The following FOXP1 variants were observed in gnomAD, a reference collection of about 807,000 sequenced individuals.
FOXP1 encodes forkhead box P1, also known as forkhead box protein P1.
FOXP1 carries 15 observed loss-of-function variants against 98.2 expected under a neutral mutation model. The observed-to-expected ratio is 0.15, with a 90% CI of 0.10 to 0.24. The LOEUF (loss-of-function observed/expected upper bound fraction) is 0.24, where lower values mean the gene tolerates loss of function less well. Ranked by LOEUF, FOXP1 falls within the 10% of genes least tolerant of loss-of-function variation. FOXP1 has a pLI of 1.00. For synonymous variants in FOXP1, 371 were observed against 314.5 expected (o/e 1.18, Z -1.90); for missense variants, 633 against 848.5 (o/e 0.75, Z 3.15).
At chr3:71,010,610 A>G (rs1298470110) in intron 12 of FOXP1, among the ~76,000 whole-genome samples, 1 of 152,158 alleles carries the variant, frequency 6.6e-6, no homozygotes, top group African/African-American at 2.4e-5. Flanking sequence ...AAGCAATGTT[A>G]CCTTTATTAA....
chr3:71,578,600 T>G (rs956911545), intron 2 of FOXP1, among the ~76,000 whole-genome samples: 6 of 152,220 alleles, frequency 3.9e-5, no homozygotes, highest in Non-Finnish European at 7.3e-5. Flanking sequence ...TAAGATTGGC[T>G]GCAAAGAGGA....
At chr3:71,044,148 G>C (rs899109672) in intron 10 of FOXP1, among the ~76,000 whole-genome samples, 2 of 152,136 alleles carry the variant, frequency 1.3e-5, no homozygotes, top group African/African-American at 2.4e-5. Flanking sequence ...TGACAGCTAA[G>C]ATCTCATGTT....
chr3:71,037,232 T>C (rs1266838087), intron 11 of FOXP1, among the ~76,000 whole-genome samples: 1 of 152,176 alleles, frequency 6.6e-6, no homozygotes, highest in Admixed American at 6.5e-5. Context: ...TAGTGCACCA[T>C]AATGTAATGT....
chr3:71,228,189 G>A (rs1347669465), intron 5 of FOXP1, among the ~76,000 whole-genome samples: 1 of 152,182 alleles, frequency 6.6e-6, no homozygotes, highest in East Asian at 1.9e-4. Context: ...GATATTTAGG[G>A]AGTTCTAGGT....
Position 70,959,318 on chromosome 3 carries a change from CTGT to C in FOXP1, c.1960_1962del (p.Thr654del). ...TGGTCAAAATCTGGACTGTGGTTGG[CTGT>C]TGTCACTAAGGACAGGGGCCCTTCA... On this transcript the variant is annotated inframe_deletion, in exon 21 of 21. Transcript: ENST00000649528. 6.2e-7 allele frequency: 1 copy of C among 1,613,960 alleles called. No individual in the cohort carries two copies. Among genetic ancestry groups the C allele is most frequent in the Non-Finnish European group, 8.5e-7 (1 of 1,179,998 alleles).
chr3:71,000,101 A>G (rs1047142034), intron 13 of FOXP1, among the ~76,000 whole-genome samples: 5 of 152,034 alleles, frequency 3.3e-5, no homozygotes, highest in African/African-American at 4.8e-5. Context: ...TTTAGAAACT[A>G]ATTTTCTATT....
intron 2 of FOXP1, among the ~76,000 whole-genome samples, chr3:71,514,327 G>A (rs996742586): frequency 2.6e-5 from 4 of 152,106 alleles, no homozygotes; most frequent in Admixed American, 6.5e-5. Context: ...ACTACTTGGC[G>A]TCACAATCAA....
chr3:71,574,634 T>G (rs748355529), intron 2 of FOXP1, among the ~76,000 whole-genome samples: 1 of 152,122 alleles, frequency 6.6e-6, no homozygotes, highest in Non-Finnish European at 1.5e-5. Context: ...CCAGCAGGGT[T>G]AATCCAAAGA....
chr3:71,446,103 T>C (rs1006285818), intron 3 of FOXP1, among the ~76,000 whole-genome samples: 5 of 152,180 alleles, frequency 3.3e-5, no homozygotes, highest in Non-Finnish European at 7.3e-5. Context: ...AGGCATTCAA[T>C]GTGTCATCAC....
intron 14 of FOXP1, among the ~76,000 whole-genome samples, chr3:70,983,065 C>T (rs1035937274): frequency 5.3e-5 from 8 of 152,190 alleles, no homozygotes; most frequent in Admixed American, 3.3e-4. Flanking sequence ...AGTTCAGAGA[C>T]GGCCTTTCTG....
intron 7 of FOXP1, among the ~76,000 whole-genome samples, chr3:71,093,452 T>G (rs13077531): frequency 2.1e-5 from 3 of 142,628 alleles, no homozygotes; most frequent in Non-Finnish European, 4.7e-5. Context: ...TCCAACTCTT[T>G]GACTGTACTA....
At position 71,322,609 on chromosome 3, in the gene FOXP1, G is replaced by A. The variant is rs147813984; in HGVS notation, c.-72-22729C>T. 1.2e-4 allele frequency among the ~76,000 whole-genome samples: 18 copies of A among 152,290 alleles called. No individual in the cohort carries two copies. The East Asian group carries it at 3.5e-3, about 29-fold the overall frequency. On this transcript the variant is annotated intron_variant, in intron 4 of 20. Coordinates refer to ENST00000649528, the MANE Select transcript of FOXP1 (RefSeq NM_001349338.3). The stretch of plus-strand genomic sequence containing the variant: ...GGTGGAGCGAGGCACACATGCAAAG[G>A]TGCACTGTCATCAAGGGGCATTCGG...
intron 5 of FOXP1, among the ~76,000 whole-genome samples, chr3:71,255,451 G>A (rs537914845): frequency 1.3e-5 from 2 of 152,138 alleles, no homozygotes; most frequent in Admixed American, 6.5e-5. Flanking sequence ...TTTACATTTT[G>A]ATTTTATTAT....
intron 12 of FOXP1, among the ~76,000 whole-genome samples, chr3:71,003,889 T>A (rs1366299920): frequency 6.6e-6 from 1 of 152,136 alleles, no homozygotes; most frequent in East Asian, 1.9e-4. Flanking sequence ...TCATAAATTA[T>A]ATCACATCTT....
intron 3 of FOXP1, among the ~76,000 whole-genome samples, chr3:71,443,281 G>C (rs1378828971): frequency 6.6e-6 from 1 of 152,240 alleles, no homozygotes; most frequent in African/African-American, 2.4e-5. Flanking sequence ...TTGGTGTCAT[G>C]ATAAAATCAG....
chr3:71,335,883 T>G (rs959573062), intron 4 of FOXP1, among the ~76,000 whole-genome samples: 1 of 151,816 alleles, frequency 6.6e-6, no homozygotes, highest in African/African-American at 2.4e-5. Flanking sequence ...CGTGCACCTG[T>G]AATTCCAGCT....
intron 6 of FOXP1, among the ~76,000 whole-genome samples, chr3:71,131,775 G>T (rs1321459010): frequency 6.6e-6 from 1 of 152,206 alleles, no homozygotes; most frequent in African/African-American, 2.4e-5. Context: ...GAAGAGAACA[G>T]CATGTCGCCT....
intron 3 of FOXP1, among the ~76,000 whole-genome samples, chr3:71,362,730 A>G (rs1490773956): frequency 1.3e-5 from 2 of 152,178 alleles, no homozygotes; most frequent in African/African-American, 2.4e-5. Context: ...TTTGTCTCCC[A>G]AAGTGCTGGG....
chr3:71,351,413 T>C (rs752554541), intron 4 of FOXP1, among the ~76,000 whole-genome samples: 7 of 152,206 alleles, frequency 4.6e-5, no homozygotes, highest in Non-Finnish European at 1.0e-4. Flanking sequence ...AACAAGGCAA[T>C]ATGAACACTT....
Sources: gnomAD v4.1 joint callset for allele counts (sites outside exome capture counted in the v4.1 genomes callset) on GRCh38, gnomAD v4.1.1 for gene constraint, MANE v1.5 for transcripts, NCBI Gene and HGNC (gene_info 2026-07-23, HGNC 2026-07-21) for gene names.